The following RNGTT variants were observed in gnomAD, a reference collection of about 807,000 sequenced individuals.
The protein encoded by RNGTT is mRNA-capping enzyme.
In RNGTT, 33 loss-of-function variants were observed where a neutral mutation model predicts 79.3. The ratio of observed to expected loss-of-function variants is 0.42; its 90% confidence interval spans 0.32 to 0.56. The LOEUF (loss-of-function observed/expected upper bound fraction) is 0.56. Among genes scored for constraint, RNGTT ranks in the 20% least tolerant of loss-of-function variants. RNGTT has a pLI of 0.17. For synonymous variants in RNGTT, 222 were observed against 235.9 expected (o/e 0.94, Z 0.54); for missense variants, 497 against 739.1 (o/e 0.67, Z 3.80).
chr6:88,868,882 A>C (rs893243139), intron 8 of RNGTT, among the ~76,000 whole-genome samples: 4 of 152,182 alleles, frequency 2.6e-5, no homozygotes, highest in African/African-American at 7.2e-5. Context: ...CTATAGAACA[A>C]TGAACATTTT....
intron 14 of RNGTT, among the ~76,000 whole-genome samples, chr6:88,650,301 C>T (rs981269676): frequency 1.3e-5 from 2 of 152,140 alleles, no homozygotes; most frequent in Non-Finnish European, 2.9e-5. Context: ...ACCCTGGGAA[C>T]CTTTTCTTGA....
intron 14 of RNGTT, among the ~76,000 whole-genome samples, chr6:88,622,500 C>A (rs1303409151): frequency 6.6e-6 from 1 of 152,062 alleles, no homozygotes; most frequent in South Asian, 2.1e-4. Context: ...TCTTATTTGA[C>A]CCCTTAGCAT....
At chr6:88,698,237 TATATATATG>T (rs1775798959) in intron 13 of RNGTT, among the ~76,000 whole-genome samples, 1 of 111,652 alleles carries the variant, frequency 9.0e-6, no homozygotes, top group Non-Finnish European at 1.6e-5. Context: ...ATATATGAAA[TATATATATG>T]AAATATATAT....
At chr6:88,795,004 G>A (rs1216569608) in intron 12 of RNGTT, among the ~76,000 whole-genome samples, 1 of 152,116 alleles carries the variant, frequency 6.6e-6, no homozygotes, top group Non-Finnish European at 1.5e-5. Context: ...GAAGTAGAAG[G>A]TACAGGTTGA....
intron 8 of RNGTT, among the ~76,000 whole-genome samples, chr6:88,877,680 C>T (rs986285652): frequency 2.0e-4 from 31 of 152,260 alleles, no homozygotes; most frequent in African/African-American, 7.2e-4. Context: ...AAGATTTAGG[C>T]TTGGGGAGGG....
chr6:88,929,260 A>C lies in RNGTT; in HGVS notation c.182T>G (p.Met61Arg). The C allele has an allele frequency of 6.3e-7, 1 of 1,579,356 alleles. No homozygotes were observed. Among genetic ancestry groups the C allele is most frequent in the Non-Finnish European group, 8.6e-7 (1 of 1,165,898 alleles). The change falls in exon 3 of 16, where the codon ATG becomes AGG. Residue 61 changes from methionine (M) to arginine (R), a missense_variant. Physicochemically the swap from Met to Arg is moderately conservative, Grantham distance 91. This residue lies in a region of RNGTT where 440 missense variants were observed against 671.5 expected (regional missense o/e 0.66). Transcript: ENST00000369485. Reference protein sequence around the residue: ...SNYLKSLKVKMGLLVDLTNTS... With the variant: ...SNYLKSLKVKRGLLVDLTNTS... ...ATTTGTCAGGTCCACCAACAAGCCC[A>C]TTTTAACCTAAAAAAAAAAAAAAAT...
At chr6:88,919,508 G>A (rs751685100) in intron 4 of RNGTT, among the ~76,000 whole-genome samples, 11 of 151,898 alleles carry the variant, frequency 7.2e-5, no homozygotes, top group Admixed American at 7.2e-4. Context: ...GGGTGTGGGG[G>A]GTATAGACAG....
At chr6:88,810,983 T>C (rs1010899888) in intron 11 of RNGTT, among the ~76,000 whole-genome samples, 4 of 152,224 alleles carry the variant, frequency 2.6e-5, no homozygotes, top group Non-Finnish European at 5.9e-5. Context: ...AATTTCAATT[T>C]GACAGTAAAA....
intron 13 of RNGTT, among the ~76,000 whole-genome samples, chr6:88,684,123 T>C (rs74629478): frequency 2.3e-3 from 355 of 152,262 alleles, no homozygotes; most frequent in African/African-American, 7.9e-3. Context: ...AGTGGTTATA[T>C]GAAAAGATGC....
At chr6:88,684,144 T>G (rs1373439632) in intron 13 of RNGTT, among the ~76,000 whole-genome samples, 1 of 152,182 alleles carries the variant, frequency 6.6e-6, no homozygotes, top group Non-Finnish European at 1.5e-5. Context: ...TCAAGTCTCA[T>G]ATGTCATTAG....
intron 14 of RNGTT, among the ~76,000 whole-genome samples, chr6:88,644,426 A>C (rs1388624482): frequency 3.2e-4 from 47 of 146,300 alleles, no homozygotes; most frequent in South Asian, 8.8e-4. Flanking sequence ...CAGAGGTACA[A>C]GGAGGAGCTG....
At chr6:88,895,247 G>C (rs1783197381) in intron 6 of RNGTT, among the ~76,000 whole-genome samples, 1 of 151,522 alleles carries the variant, frequency 6.6e-6, no homozygotes, top group South Asian at 2.1e-4. Flanking sequence ...GTGTGTGTGT[G>C]TGTGTGTGTG....
chr6:88,614,526 C>T, intron 14 of RNGTT, 131 bp from the exon 15 acceptor site: 1 of 796,484 alleles, frequency 1.3e-6, no homozygotes, highest in Non-Finnish European at 2.0e-6. Flanking sequence ...TCTTTGTCAT[C>T]TGAAGTATCT....
chr6:88,614,210 T>C (rs1772135990), intron 15 of RNGTT, 62 bp downstream of exon 15: 1 of 1,534,040 alleles, frequency 6.5e-7, no homozygotes. Flanking sequence ...CAGCACACTT[T>C]GGGTCTAACA....
chr6:88,694,653 A>G (rs1297640986), intron 13 of RNGTT, among the ~76,000 whole-genome samples: 8 of 152,306 alleles, frequency 5.3e-5, no homozygotes, highest in African/African-American at 1.9e-4. Context: ...TTGAGCAAAA[A>G]GAATAAAGTG....
intron 1 of RNGTT, among the ~76,000 whole-genome samples, chr6:88,953,189 C>T (rs1251987145): frequency 6.6e-6 from 1 of 151,994 alleles, no homozygotes; most frequent in Non-Finnish European, 1.5e-5. Flanking sequence ...GATACCAGAA[C>T]AAGGTGAAAA....
At chr6:88,785,134 C>A (rs1779186155) in intron 12 of RNGTT, among the ~76,000 whole-genome samples, 1 of 151,976 alleles carries the variant, frequency 6.6e-6, no homozygotes, top group Non-Finnish European at 1.5e-5. Context: ...AAAGAACTAT[C>A]CCTAATTCAT....
intron 4 of RNGTT, among the ~76,000 whole-genome samples, chr6:88,918,207 C>T (rs868760433): frequency 6.6e-6 from 1 of 151,994 alleles, no homozygotes; most frequent in African/African-American, 2.4e-5. Flanking sequence ...CCTGTAGTAC[C>T]AGCTACTCGG....
At position 88,830,247 on chromosome 6, in the gene RNGTT, G is replaced by A. The variant is rs75867072; in HGVS notation, c.1269+14110C>T. ...GGATTAAGAAACTCACTCAAAAACC[G>A]CACAACTACATGGAAACTGAACAAC... On this transcript the variant is annotated intron_variant, in intron 11 of 15. Coordinates refer to ENST00000369485, the MANE Select transcript of RNGTT (RefSeq NM_003800.5). 2.8e-3 allele frequency among the ~76,000 whole-genome samples: 420 copies of A among 152,110 alleles called. 1 individual carries two copies. The highest frequency in any genetic ancestry group is 8.8e-3 in the African/African-American group (365 of 41,492).
Sources: gnomAD v4.1 joint callset for allele counts (sites outside exome capture counted in the v4.1 genomes callset) on GRCh38, gnomAD v4.1.1 for gene constraint, gnomAD v4.1.1 regional missense constraint, MANE v1.5 for transcripts, NCBI Gene and HGNC (gene_info 2026-07-23, HGNC 2026-07-21) for gene names.